The following GPR161 variants were observed in gnomAD, a reference collection of about 807,000 sequenced individuals.
GPR161 encodes G protein-coupled receptor 161.
In GPR161, 25 loss-of-function variants were observed where a neutral mutation model predicts 39.2. The ratio of observed to expected loss-of-function variants is 0.64; its 90% confidence interval spans 0.47 to 0.89. The LOEUF is 0.89. Among genes scored for constraint, GPR161 ranks in the 40% least tolerant of loss-of-function variants. The pLI, the probability that GPR161 is intolerant of heterozygous loss-of-function variation, is 0.00. For missense variants in GPR161, 547 were observed against 677.8 expected (o/e 0.81, Z 2.14); for synonymous variants, 286 against 276.6 (o/e 1.03, Z -0.34).
intron 3 of GPR161, 28 bp downstream of exon 3, chr1:168,096,480 G>C (rs1387308884): frequency 6.3e-7 from 1 of 1,597,936 alleles, no homozygotes; most frequent in African/African-American, 1.3e-5. Flanking sequence ...CTGCCTCGGA[G>C]GGGCTATCCT....
upstream of GPR161, chr1:168,137,584 A>G (rs1036681903): frequency 8.2e-6 from 5 of 609,058 alleles, no homozygotes; most frequent in African/African-American, 9.2e-5. Context: ...ATCACAAAAC[A>G]AAGAGCGGGC....
upstream of GPR161, chr1:168,137,026 T>G: frequency 1.6e-5 from 4 of 243,782 alleles, no homozygotes; most frequent in Non-Finnish European, 2.2e-5. Flanking sequence ...CGCCCCGCAC[T>G]GCCCCGCCCC....
At chr1:168,119,431 T>G (rs1697977900) in intron 1 of GPR161, among the ~76,000 whole-genome samples, 1 of 151,584 alleles carries the variant, frequency 6.6e-6, no homozygotes, top group African/African-American at 2.4e-5. Context: ...TTCATGATTC[T>G]ACTTACATGA....
Position 168,104,846 on chromosome 1 carries a change from C to T in GPR161, c.5G>A (p.Ser2Asn), listed in dbSNP as rs1696448737. The T allele has an allele frequency of 1.9e-6, 3 of 1,613,640 alleles. No homozygotes were observed. The highest frequency in any genetic ancestry group is 1.3e-5 in the African/African-American group (1 of 74,880). MSLNSSLSCRKE... is the reference protein window; with the variant it reads MNLNSSLSCRKE... ...CCTGCAGCTGAGGGAGGAGTTGAGGCTCATGGTCAGTGCACCTCGGCGTGG... is the reference window on the plus strand; with the variant it reads ...CCTGCAGCTGAGGGAGGAGTTGAGGTTCATGGTCAGTGCACCTCGGCGTGG... Residue 2 changes from serine to asparagine, a missense_variant, in exon 2 of 6, where the codon AGC becomes AAC. Ser to Asn is a conservative substitution (Grantham distance 46, BLOSUM62 1). Transcript: ENST00000682931.
intron 4 of GPR161, 22 bp downstream of exon 4, chr1:168,090,542 G>T (rs998793945): frequency 5.8e-6 from 8 of 1,377,646 alleles, no homozygotes; most frequent in Non-Finnish European, 8.3e-6. Flanking sequence ...CAGGTGAGAG[G>T]CTTATAAAGC....
In GPR161 at chr1:168,098,791, T is replaced by TG. The variant is rs375805482; in HGVS notation, c.375-1560dup. ...TATTACAGAATCACTGCACAGTGGC[T>TG]GGGTAAGGTGATTACTGTCTTTCGC... is the stretch of plus-strand genomic sequence containing the variant. On this transcript the variant is annotated intron_variant, in intron 2 of 5. Transcript: ENST00000682931. This position sits in a 1 kb window ranked among gnomAD's most constrained non-coding sequence, Gnocchi z 4.1. Among the ~76,000 whole-genome samples the TG allele has an allele frequency of 3.9e-5, 6 of 152,328 alleles. No homozygotes were observed. The highest frequency in any genetic ancestry group is 1.2e-4 in the African/African-American group (5 of 41,578).
At chr1:168,095,604 A>C (rs1695444609) in intron 3 of GPR161, among the ~76,000 whole-genome samples, 1 of 152,206 alleles carries the variant, frequency 6.6e-6, no homozygotes, top group African/African-American at 2.4e-5. Context: ...CACACGTACA[A>C]GGCCATGATG....
intron 3 of GPR161, among the ~76,000 whole-genome samples, chr1:168,092,098 G>A (rs1695120598): frequency 6.6e-6 from 1 of 152,188 alleles, no homozygotes; most frequent in Non-Finnish European, 1.5e-5. Flanking sequence ...CGCTGCTTTT[G>A]GGAATCCTGC....
intron 1 of GPR161, among the ~76,000 whole-genome samples, chr1:168,114,914 GC>G (rs1244930547): frequency 6.6e-6 from 1 of 152,272 alleles, no homozygotes; most frequent in East Asian, 1.9e-4. Flanking sequence ...TTAGGGGTCA[GC>G]TCTTGATCTC....
At chr1:168,094,749 C>G (rs1695367568) in intron 3 of GPR161, among the ~76,000 whole-genome samples, 1 of 152,236 alleles carries the variant, frequency 6.6e-6, no homozygotes, top group African/African-American at 2.4e-5. Context: ...TTCTCCAAAT[C>G]TCTCCCAGTG....
intron 2 of GPR161, among the ~76,000 whole-genome samples, chr1:168,103,794 A>G (rs769370841): frequency 6.6e-6 from 1 of 152,226 alleles, no homozygotes; most frequent in Non-Finnish European, 1.5e-5. Context: ...GCAAAATTCT[A>G]ATAAATGCAC....
intron 4 of GPR161, 138 bp downstream of exon 4, chr1:168,090,426 T>C (rs986239320): frequency 4.8e-5 from 26 of 545,366 alleles, no homozygotes; most frequent in Non-Finnish European, 7.7e-5. Context: ...AACCCAGACT[T>C]ATGATTCTCA....
intron 1 of GPR161, among the ~76,000 whole-genome samples, chr1:168,125,073 CTCTG>C (rs1218532863): frequency 1.3e-5 from 2 of 152,216 alleles, no homozygotes; most frequent in East Asian, 3.8e-4. Flanking sequence ...ATTGCATATT[CTCTG>C]TCTCCTTTTT....
At chr1:168,096,432 A>G in intron 3 of GPR161, 76 bp downstream of exon 3, 3 of 1,466,770 alleles carry the variant, frequency 2.0e-6, no homozygotes, top group Non-Finnish European at 2.8e-6. Flanking sequence ...ACTCACCCAC[A>G]AACAGGCCAG....
At chr1:168,102,166 T>TA (rs1332532162) in intron 2 of GPR161, among the ~76,000 whole-genome samples, 1 of 152,214 alleles carries the variant, frequency 6.6e-6, no homozygotes, top group African/African-American at 2.4e-5. Context: ...GCTGGGCATA[T>TA]AATAGGTGCT....
chr1:168,099,519 G>T (rs1351319073), intron 2 of GPR161, among the ~76,000 whole-genome samples: 1 of 152,138 alleles, frequency 6.6e-6, no homozygotes, highest in Non-Finnish European at 1.5e-5. Context: ...TTAATGTGCT[G>T]TCCTCTGCCA....
chr1:168,096,731 A>C lies in GPR161; in HGVS notation c.876T>G (p.Ser292=), dbSNP rs769675137. 1 of 1,614,076 alleles carries C rather than the reference A, an allele frequency of 6.2e-7. No homozygotes were observed. Among genetic ancestry groups the C allele is most frequent in the South Asian group, 1.1e-5 (1 of 91,068 alleles). The change falls in exon 3 of 6, where the codon TCT becomes TCG. Residue 292 remains serine (S), a synonymous_variant. Transcript: ENST00000682931. ...CGGAGCTTTTCCCCCAGAGGGCCTCAGAGGCGATGACAACCATGTAGGGGC... is the reference window on the plus strand; with the variant it reads ...CGGAGCTTTTCCCCCAGAGGGCCTCCGAGGCGATGACAACCATGTAGGGGC... ...TWGPYMVVIA[S]EALWGKSSVS... is the part of the protein sequence containing the mutation.
chr1:168,133,276 A>G (rs1699136714), intron 1 of GPR161, among the ~76,000 whole-genome samples: 1 of 152,360 alleles, frequency 6.6e-6, no homozygotes, highest in South Asian at 2.1e-4. Context: ...CTTTTTCTAC[A>G]CAATCTTCCA....
chr1:168,130,338 T>C (rs1237675161), intron 1 of GPR161, among the ~76,000 whole-genome samples: 1 of 152,184 alleles, frequency 6.6e-6, no homozygotes, highest in Non-Finnish European at 1.5e-5. Flanking sequence ...GTAACAACAG[T>C]GTTGCTGAAA....
Sources: gnomAD v4.1 joint callset for allele counts (sites outside exome capture counted in the v4.1 genomes callset) on GRCh38, gnomAD v4.1.1 for gene constraint, Gnocchi (gnomAD v3.1) non-coding constraint, MANE v1.5 for transcripts, NCBI Gene and HGNC (gene_info 2026-07-23, HGNC 2026-07-21) for gene names.